TLL2: variants seen among roughly 807,000 people sequenced by gnomAD.
The protein encoded by TLL2 is tolloid-like protein 2.
TLL2 carries 106 observed loss-of-function variants against 123.0 expected under a neutral mutation model. The ratio of observed to expected loss-of-function variants is 0.86; its 90% confidence interval spans 0.74 to 1.01. The LOEUF is 1.01. TLL2 is among the 50% of genes least tolerant of loss of function. TLL2 has a pLI of 0.00. For synonymous variants in TLL2, 494 were observed against 516.8 expected (o/e 0.96, Z 0.60); for missense variants, 1,332 against 1,336.7 (o/e 1.00, Z 0.06).
intron 16 of TLL2, among the ~76,000 whole-genome samples, chr10:96,383,787 ATTTTTTT>A (rs56007977): frequency 7.3e-6 from 1 of 137,448 alleles, no homozygotes; most frequent in South Asian, 2.4e-4. Context: ...CGCCCGGCTA[ATTTTTTT>A]TTTTTTTTTT....
At chr10:96,405,157 G>C in intron 10 of TLL2, 75 bp downstream of exon 10, 1 of 1,384,558 alleles carries the variant, frequency 7.2e-7, no homozygotes, top group East Asian at 2.3e-5. Flanking sequence ...TGTCAAGGTG[G>C]ACCTTCCAGA....
chr10:96,513,493 C>A lies in TLL2; in HGVS notation c.175+18G>T. The A allele has an allele frequency of 6.2e-7, 1 of 1,611,812 alleles. No homozygotes were observed. Among genetic ancestry groups the A allele is most frequent in the Non-Finnish European group, 8.5e-7 (1 of 1,179,466 alleles). On this transcript the variant is annotated intron_variant, in intron 1 of 20. Transcript: ENST00000357947. Reference sequence around the variant, plus strand: ...CAAAGGCAAACTTCTGCGGGACTTCCCCAGCGGCGGCACCTACCGGCTTTG... The same window carrying A: ...CAAAGGCAAACTTCTGCGGGACTTCACCAGCGGCGGCACCTACCGGCTTTG...
rs773935738 is a variant in TLL2, at chr10:96,384,726, G to T, written c.2055C>A (p.Ser685=). 6.2e-7 allele frequency: 1 copy of T among 1,609,586 alleles called. No individual in the cohort carries two copies. The highest frequency in any genetic ancestry group is 8.5e-7 in the Non-Finnish European group (1 of 1,177,262). Residue 685 remains serine, a synonymous_variant, in exon 16 of 21, where the codon TCC becomes TCA. Transcript: ENST00000357947. The part of the protein sequence containing the change: ...YDFVEVRSGL[S]PDAKLHGRFC... ...ACCTGCCGTGCAGCTTGGCGTCGGG[G>T]GACAGGCCGCTGCGCACCTCTACAA...
At chr10:96,422,792 C>G (rs563580159) in intron 5 of TLL2, 65 bp from the exon 6 acceptor site, 1 of 1,579,170 alleles carries the variant, frequency 6.3e-7, no homozygotes, top group Admixed American at 1.7e-5. Context: ...AGGCAAGTCC[C>G]CCCTCCCACT....
At chr10:96,417,908 A>G (rs1846579780) in intron 7 of TLL2, among the ~76,000 whole-genome samples, 1 of 152,212 alleles carries the variant, frequency 6.6e-6, no homozygotes, top group African/African-American at 2.4e-5. Context: ...AAAAATAATA[A>G]GCTGCTGTTT....
intron 1 of TLL2, among the ~76,000 whole-genome samples, chr10:96,481,505 T>C (rs1040208563): frequency 2.6e-5 from 4 of 152,166 alleles, no homozygotes; most frequent in African/African-American, 9.7e-5. Context: ...CTATCAGAAA[T>C]AGTATGTTCT....
chr10:96,393,207 T>C lies in TLL2; in HGVS notation c.1726+1980A>G, dbSNP rs144550720. Among the ~76,000 whole-genome samples the C allele has an allele frequency of 3.9e-5, 6 of 152,316 alleles. No homozygotes were observed. In the East Asian group the frequency reaches 1.2e-3, roughly 29 times the overall value. ...GTTAGACTTCTGACCTCCACAACTG[T>C]AGGATAATAAGTGTGCATTGTTTTA... is the stretch of plus-strand genomic sequence containing the variant. On this transcript the variant is annotated intron_variant, in intron 13 of 20. Coordinates refer to ENST00000357947, the MANE Select transcript of TLL2 (RefSeq NM_012465.4).
At chr10:96,430,010 G>A (rs1324221292) in intron 4 of TLL2, among the ~76,000 whole-genome samples, 1 of 152,218 alleles carries the variant, frequency 6.6e-6, no homozygotes, top group African/African-American at 2.4e-5. Flanking sequence ...ATGAAGGATG[G>A]TGGGAGTTGG....
At chr10:96,425,136 C>T (rs1156975748) in intron 5 of TLL2, among the ~76,000 whole-genome samples, 2 of 151,654 alleles carry the variant, frequency 1.3e-5, no homozygotes, top group African/African-American at 4.8e-5. Context: ...ATTTTGGACC[C>T]TTTTTTGTAT....
At chr10:96,467,068 T>G (rs1589429653) in intron 2 of TLL2, among the ~76,000 whole-genome samples, 2 of 152,228 alleles carry the variant, frequency 1.3e-5, no homozygotes, top group Non-Finnish European at 2.9e-5. Flanking sequence ...CAAATGCATT[T>G]GCAACAAAGG....
rs903800698 is a variant in TLL2, at chr10:96,365,873, T to C, written c.*2215A>G. ...CCATTGTTGCAAATTGGCCATATGG[T>C]GACAATTGTTGAAGCTGTGTGTTTT... On this transcript the variant is annotated 3_prime_UTR_variant, in exon 21 of 21. Coordinates refer to ENST00000357947, the MANE Select transcript of TLL2 (RefSeq NM_012465.4). 1.3e-5 allele frequency: 2 copies of C among 152,208 alleles called. No individual in the cohort carries two copies. Among genetic ancestry groups the C allele is most frequent in the African/African-American group, 4.8e-5 (2 of 41,456 alleles). The allele number at this position is 152,208 out of a possible 1,614,324, so 9.4% of individuals were successfully genotyped here. A position where few individuals can be genotyped will look rare whatever the true frequency, so the allele number is the denominator to read the frequency against.
At chr10:96,494,005 C>T (rs1256685857) in intron 1 of TLL2, among the ~76,000 whole-genome samples, 1 of 152,216 alleles carries the variant, frequency 6.6e-6, no homozygotes, top group African/African-American at 2.4e-5. Flanking sequence ...GTTCACTGCC[C>T]TGCACAGGAT....
At chr10:96,380,814 G>A (rs1358207646) in intron 16 of TLL2, among the ~76,000 whole-genome samples, 2 of 148,828 alleles carry the variant, frequency 1.3e-5, no homozygotes, top group African/African-American at 4.9e-5. Flanking sequence ...GAGGTCCGGA[G>A]TTCGAGACAC....
At chr10:96,386,411 A>G (rs961571101) in intron 14 of TLL2, among the ~76,000 whole-genome samples, 196 bp from the exon 15 acceptor site, 1 of 152,254 alleles carries the variant, frequency 6.6e-6, no homozygotes, top group African/African-American at 2.4e-5. Flanking sequence ...TTGGGGATAA[A>G]TCTTTACTGC....
chr10:96,382,382 G>A (rs891725335), intron 16 of TLL2, among the ~76,000 whole-genome samples: 3 of 152,228 alleles, frequency 2.0e-5, no homozygotes, highest in African/African-American at 7.2e-5. Context: ...GCCCTTCCGA[G>A]AACAGGCTCT....
chr10:96,378,686 C>A (rs1232118392), intron 17 of TLL2, among the ~76,000 whole-genome samples: 1 of 152,216 alleles, frequency 6.6e-6, no homozygotes, highest in Non-Finnish European at 1.5e-5. Context: ...AGCTAGGGAA[C>A]GGCAGAGCCA....
intron 5 of TLL2, among the ~76,000 whole-genome samples, chr10:96,423,128 CAAAAAA>C (rs10577803): frequency 8.3e-6 from 1 of 119,914 alleles, no homozygotes; most frequent in African/African-American, 3.1e-5. Context: ...AACACCGTCT[CAAAAAA>C]AAAAAAAAAA....
intron 5 of TLL2, among the ~76,000 whole-genome samples, chr10:96,422,943 C>T (rs1846640374): frequency 6.6e-6 from 1 of 152,102 alleles, no homozygotes; most frequent in South Asian, 2.1e-4. Flanking sequence ...GCCTGGCCAA[C>T]ATGGTGAAAC....
intron 7 of TLL2, 38 bp downstream of exon 7, chr10:96,420,918 C>T: frequency 1.6e-5 from 25 of 1,588,742 alleles, no homozygotes; most frequent in Non-Finnish European, 2.0e-5. Flanking sequence ...GCCGCAGGCA[C>T]AGTAAAACAC....
Sources: allele counts gnomAD v4.1 joint callset (sites outside exome capture counted in the v4.1 genomes callset), GRCh38; gene constraint gnomAD v4.1.1; transcripts MANE v1.5; gene names NCBI Gene and HGNC (gene_info 2026-07-23, HGNC 2026-07-21).